NAALAD2: variants seen among roughly 807,000 people sequenced by gnomAD.
NAALAD2 encodes the protein N-acetylated-alpha-linked acidic dipeptidase 2.
NAALAD2 carries 89 observed loss-of-function variants against 95.6 expected under a neutral mutation model. The ratio of observed to expected loss-of-function variants is 0.93; its 90% CI spans 0.78 to 1.11. NAALAD2 has a LOEUF of 1.11. Ranked by LOEUF, NAALAD2 falls within the 50% of genes least tolerant of loss-of-function variation. The pLI is 0.00. For synonymous variants in NAALAD2, 264 were observed against 294.4 expected (o/e 0.90, Z 1.06); for missense variants, 894 against 872.4 (o/e 1.02, Z -0.31).
intron 13 of NAALAD2, among the ~76,000 whole-genome samples, chr11:90,170,808 C>G (rs1464897595): frequency 6.6e-6 from 1 of 152,038 alleles, no homozygotes; most frequent in East Asian, 1.9e-4. Flanking sequence ...GACACAGTAT[C>G]TAAAAAAGAT....
At chr11:90,181,539 C>A in intron 16 of NAALAD2, 81 bp from the exon 17 acceptor site, 1 of 902,582 alleles carries the variant, frequency 1.1e-6, no homozygotes, top group Non-Finnish European at 1.8e-6. Context: ...GTGGTCATAT[C>A]AATCTGGAAT....
At position 90,192,374 on chromosome 11, in the gene NAALAD2, AAT is replaced by A. The variant is rs1245039506; in HGVS notation, c.*630_*631del. ...AAAAGCCAGACAAACAACTACATAA[AAT>A]ATGTTTCTATTTAGATGAAGTGGCA... is the stretch of plus-strand genomic sequence containing the variant. On this transcript the variant is annotated 3_prime_UTR_variant, in exon 19 of 19. Coordinates refer to ENST00000534061, the MANE Select transcript of NAALAD2 (RefSeq NM_005467.4). 1.3e-5 allele frequency: 2 copies of A among 152,144 alleles called. No individual in the cohort carries two copies. Among genetic ancestry groups the A allele is most frequent in the East Asian group, 3.9e-4 (2 of 5,184 alleles). The allele number at this position is 152,144 out of a possible 1,614,324, so 9.4% of individuals were successfully genotyped here. A position where few individuals can be genotyped will look rare whatever the true frequency, so the allele number is the denominator to read the frequency against.
At chr11:90,150,420 A>C in intron 4 of NAALAD2, 62 bp from the exon 5 acceptor site, 1 of 1,172,696 alleles carries the variant, frequency 8.5e-7, no homozygotes, top group Non-Finnish European at 1.2e-6. Context: ...AAGCAAACTT[A>C]TTTTTTGTTT....
intron 1 of NAALAD2, 151 bp downstream of exon 1, chr11:90,134,991 C>A: frequency 1.4e-6 from 1 of 719,660 alleles, no homozygotes. Flanking sequence ...TTCAGCAAAA[C>A]TAGAAACCAG....
At position 90,181,816 on chromosome 11, in the gene NAALAD2, A is replaced by G. The variant is rs1038109703; in HGVS notation, c.1940+115A>G. ...TCTAAATCACTACTATTCAAATTAT[A>G]GTCTGCAAATCAGCAATAGCAGTAG... On this transcript the variant is annotated intron_variant, in intron 17 of 18. Transcript: ENST00000534061. 1.5e-5 allele frequency: 10 copies of G among 687,216 alleles called. 1 individual carries two copies. Among genetic ancestry groups the G allele is most frequent in the African/African-American group, 3.7e-5 (2 of 53,832 alleles). 42.6% of individuals were successfully genotyped at this position (687,216 alleles called of 1,614,324 possible).
At chr11:90,185,460 C>T (rs572954121) in intron 18 of NAALAD2, among the ~76,000 whole-genome samples, 14 of 152,090 alleles carry the variant, frequency 9.2e-5, no homozygotes, top group African/African-American at 3.4e-4. Flanking sequence ...CGCTTGAGGC[C>T]AGGAGCTCAA....
chr11:90,142,750 C>G (rs957483217), intron 2 of NAALAD2, among the ~76,000 whole-genome samples: 1 of 151,994 alleles, frequency 6.6e-6, no homozygotes, highest in Non-Finnish European at 1.5e-5. Flanking sequence ...AAGTCTGCCA[C>G]TTTTTGGTTT....
intron 2 of NAALAD2, among the ~76,000 whole-genome samples, chr11:90,137,379 C>G (rs778814989): frequency 1.3e-5 from 2 of 151,634 alleles, no homozygotes; most frequent in Non-Finnish European, 2.9e-5. Flanking sequence ...GTTCCAAACT[C>G]AAAGAAATGA....
chr11:90,169,022 T>G (rs777885106), intron 12 of NAALAD2, 30 bp downstream of exon 12: 9 of 1,539,650 alleles, frequency 5.8e-6, no homozygotes, highest in Non-Finnish European at 8.0e-6. Context: ...GAAGTGAAAT[T>G]TTCAGAAAGG....
At chr11:90,133,772 C>A (rs1040188593), upstream of NAALAD2, among the ~76,000 whole-genome samples, 7 of 152,160 alleles carry the variant, frequency 4.6e-5, no homozygotes, top group Admixed American at 4.6e-4. Context: ...TATTGACAGA[C>A]TGCAGTCCTT....
chr11:90,154,829 TGTTAC>T (rs1489459625), intron 6 of NAALAD2, among the ~76,000 whole-genome samples: 1 of 140,702 alleles, frequency 7.1e-6, no homozygotes, highest in African/African-American at 2.7e-5. Context: ...TAATATGTAA[TGTTAC>T]ATAGTATATA....
Position 90,191,538 on chromosome 11 carries a change from C to T in NAALAD2, c.2034-20C>T, listed in dbSNP as rs766399459. The T allele has an allele frequency of 1.3e-6, 2 of 1,521,760 alleles. No homozygotes were observed. The highest frequency in any genetic ancestry group is 1.4e-5 in the African/African-American group (1 of 71,350). The allele number at this position is 1,521,760 out of a possible 1,614,324, so 94.3% of individuals were successfully genotyped here. On this transcript the variant is annotated intron_variant, in intron 18 of 18. Transcript: ENST00000534061. ...CATGTATACACTTTAGTTCAATTTG[C>T]CTTGTTTTCTTCCTTTTAGGCACAT...
intron 13 of NAALAD2, among the ~76,000 whole-genome samples, chr11:90,172,668 T>G (rs1485645396): frequency 6.6e-6 from 1 of 151,942 alleles, no homozygotes; most frequent in Non-Finnish European, 1.5e-5. Flanking sequence ...ATTACAAAAT[T>G]TGTTTGGTGT....
intron 18 of NAALAD2, among the ~76,000 whole-genome samples, chr11:90,187,262 G>A (rs1429373594): frequency 2.0e-5 from 3 of 151,962 alleles, no homozygotes; most frequent in Non-Finnish European, 4.4e-5. Flanking sequence ...AAGTCAGTGT[G>A]GCGATTCCTC....
Position 90,191,633 on chromosome 11 carries a change from TG to T in NAALAD2, c.2110del (p.Asp704IlefsTer15). Reference sequence around the variant, plus strand: ...TTCCTGGAATCTATGATGCTATCTTTGATATTGAAAATAAAGCCAACTCTCG... The same window carrying T: ...TTCCTGGAATCTATGATGCTATCTTTATATTGAAAATAAAGCCAACTCTCG... Reference protein sequence around the residue: ...SFPGIYDAIFDIENKANSRLA... With the variant: ...SFPGIYDAIFXIENKANSRLA... On this transcript the variant is annotated frameshift_variant, in exon 19 of 19. Transcript: ENST00000534061. LOFTEE classifies it high-confidence loss of function. The T allele has an allele frequency of 6.2e-7, 1 of 1,607,808 alleles. No individual in the cohort carries two copies. Among genetic ancestry groups the T allele is most frequent in the South Asian group, 1.1e-5 (1 of 89,378 alleles).
intron 13 of NAALAD2, 151 bp downstream of exon 13, chr11:90,170,287 T>A (rs1952597171): frequency 5.0e-6 from 3 of 596,816 alleles, no homozygotes; most frequent in Non-Finnish European, 9.1e-6. Flanking sequence ...ATATGCCATT[T>A]ACCTATATGA....
chr11:90,141,850 G>A (rs765524983), intron 2 of NAALAD2, among the ~76,000 whole-genome samples: 2 of 152,094 alleles, frequency 1.3e-5, no homozygotes, highest in Non-Finnish European at 1.5e-5. Flanking sequence ...TTCAAAAAGG[G>A]AACATTTCAT....
At chr11:90,162,581 A>C (rs1334365989) in intron 8 of NAALAD2, 1 of 152,630 alleles carries the variant, frequency 6.6e-6, no homozygotes, top group Admixed American at 6.5e-5. Flanking sequence ...CGTTTTCATA[A>C]TTAACTGGGG....
In NAALAD2 at chr11:90,146,343, A is replaced by ATTTTTTTTTTT. The variant is rs71477596; in HGVS notation, c.195-964_195-954dup. Among the ~76,000 whole-genome samples the ATTTTTTTTTTT allele has an allele frequency of 3.1e-4, 15 of 47,960 alleles. 1 individual carries two copies. Among genetic ancestry groups the ATTTTTTTTTTT allele is most frequent in the Non-Finnish European group, 3.7e-4 (10 of 27,316 alleles). The allele number at this position is 47,960 out of a possible 152,430, so 31.5% of individuals were successfully genotyped here. On this transcript the variant is annotated intron_variant, in intron 2 of 18. Transcript: ENST00000534061. ...GTTCTACTGATGGTGGGGGAGTTTA[A>ATTTTTTTTTTT]TTTTTTTTTTTTTTTTTTTTTTTTT...
Sources: gnomAD v4.1 joint callset for allele counts (sites outside exome capture counted in the v4.1 genomes callset) on GRCh38, gnomAD v4.1.1 for gene constraint, MANE v1.5 for transcripts, NCBI Gene and HGNC (gene_info 2026-07-23, HGNC 2026-07-21) for gene names.